The following GNB4 variants were observed in gnomAD, a reference collection of about 807,000 sequenced individuals.
GNB4 encodes G protein subunit beta 4.
GNB4 carries 28 observed loss-of-function variants against 45.2 expected under a neutral mutation model. The observed-to-expected ratio is 0.62, with a 90% CI of 0.46 to 0.85. GNB4 has a LOEUF of 0.85. Ranked by LOEUF, GNB4 falls within the 40% of genes least tolerant of loss-of-function variation. GNB4 has a pLI of 0.00. For missense variants in GNB4, 321 were observed against 425.4 expected (o/e 0.75, Z 2.16); for synonymous variants, 132 against 143.7 (o/e 0.92, Z 0.58).
intron 1 of GNB4, among the ~76,000 whole-genome samples, chr3:179,444,710 T>G (rs529567693): frequency 6.6e-6 from 1 of 152,272 alleles, no homozygotes; most frequent in South Asian, 2.1e-4. Context: ...AGACTCTGTC[T>G]CAAAAAGTAT....
intron 2 of GNB4, among the ~76,000 whole-genome samples, chr3:179,421,799 C>A (rs1410517668): frequency 6.6e-6 from 1 of 152,178 alleles, no homozygotes; most frequent in Admixed American, 6.5e-5. Context: ...CAAGTAGTTG[C>A]ACTAAACATG....
chr3:179,516,677 T>C, the GNB4 span, among the ~76,000 whole-genome samples: 1 of 152,162 alleles, frequency 6.6e-6, no homozygotes, highest in South Asian at 2.1e-4. Flanking sequence ...TATGAAACAA[T>C]AACAGAATAG....
rs537195612 is a variant in GNB4, at chr3:179,405,179, T to TC, written c.916+10_916+11insG. On this transcript the variant is annotated intron_variant, in intron 9 of 9. Transcript: ENST00000232564. ...TGAAAATCAGAACCTAATGTGGACT[T>TC]ATTTACTAACCTGCACGATCTCCTT... The TC allele has an allele frequency of 5.4e-4, 862 of 1,604,084 alleles. 9 individuals carry two copies. In the East Asian group the frequency reaches 0.015, roughly 28 times the overall value.
chr3:179,515,869 T>G, the GNB4 span, among the ~76,000 whole-genome samples: 2,590 of 152,198 alleles, frequency 0.017, 82 homozygotes, highest in African/African-American at 0.059. Context: ...GCTGAAGGAA[T>G]ATTTTGTGAT....
chr3:179,485,957 AC>A, the GNB4 span, among the ~76,000 whole-genome samples: 1 of 145,344 alleles, frequency 6.9e-6, no homozygotes, highest in Non-Finnish European at 1.5e-5. Flanking sequence ...CAAAACAACA[AC>A]AAAAACTCAG....
chr3:179,402,978 CTG>C (rs990615143), intron 9 of GNB4, among the ~76,000 whole-genome samples: 17 of 152,214 alleles, frequency 1.1e-4, no homozygotes, highest in African/African-American at 3.4e-4. Flanking sequence ...ATTGATAAAA[CTG>C]TGCTGAAATG....
the GNB4 span, among the ~76,000 whole-genome samples, chr3:179,501,156 C>T: frequency 3.9e-5 from 6 of 152,180 alleles, no homozygotes; most frequent in Non-Finnish European, 7.3e-5. Flanking sequence ...TCTTTGTCTA[C>T]CATGCTGTCA....
chr3:179,503,699 A>T, the GNB4 span, among the ~76,000 whole-genome samples: 1 of 152,202 alleles, frequency 6.6e-6, no homozygotes, highest in South Asian at 2.1e-4. Flanking sequence ...AGTGTTATCT[A>T]GTGCCAGCAA....
chr3:179,477,119 C>T, the GNB4 span, among the ~76,000 whole-genome samples: 7 of 152,290 alleles, frequency 4.6e-5, no homozygotes, highest in African/African-American at 1.4e-4. Context: ...CATTCTCTCA[C>T]TGTCTTAATG....
chr3:179,492,953 C>A, the GNB4 span, among the ~76,000 whole-genome samples: 1 of 152,170 alleles, frequency 6.6e-6, no homozygotes, highest in Non-Finnish European at 1.5e-5. Context: ...CTCTTAATAT[C>A]TTTGCCAACA....
chr3:179,418,673 T>C (rs1714884006), intron 4 of GNB4, among the ~76,000 whole-genome samples: 1 of 152,218 alleles, frequency 6.6e-6, no homozygotes, highest in African/African-American at 2.4e-5. Flanking sequence ...AGAATAAATG[T>C]GCAACTTCTA....
At chr3:179,489,001 AAAAAAAAAAAAAAAAAAAATATATAT>A in the GNB4 span, among the ~76,000 whole-genome samples, 4 of 33,696 alleles carry the variant, frequency 1.2e-4, no homozygotes, top group Middle Eastern at 0.014. Flanking sequence ...AAAAAAAAAA[AAAAAAAAAAAAAAAAAAAATATATAT>A]ATATATATAT....
At chr3:179,509,403 T>G in the GNB4 span, among the ~76,000 whole-genome samples, 1 of 152,198 alleles carries the variant, frequency 6.6e-6, no homozygotes, top group Non-Finnish European at 1.5e-5. Context: ...ACTGGCATTC[T>G]CTGTCTGTGG....
chr3:179,484,836 ATG>A, the GNB4 span, among the ~76,000 whole-genome samples: 2,881 of 147,028 alleles, frequency 0.02, 56 homozygotes, highest in Middle Eastern at 0.073. Context: ...AGCTATATAT[ATG>A]TGTGTGTGTG....
rs2108575061 is a variant in GNB4 at position 179,401,255 on chromosome 3, C to T, written c.981G>A (p.Val327=). The T allele has an allele frequency of 1.9e-6, 3 of 1,613,714 alleles. No individual in the cohort carries two copies. The highest frequency in any genetic ancestry group is 2.5e-6 in the Non-Finnish European group (3 of 1,179,842). ...CLGVTDDGMA[V]ATGSWDSFLR... is the part of the protein sequence containing the mutation. ...GAAAACTGTCCCAAGAGCCTGTTGC[C>T]ACAGCCATGCCATCATCAGTTACAC... Residue 327 remains valine (V), a synonymous_variant, in exon 10 of 10, where the codon GTG becomes GTA. Transcript: ENST00000232564.
At chr3:179,477,251 T>C in the GNB4 span, among the ~76,000 whole-genome samples, 1 of 152,238 alleles carries the variant, frequency 6.6e-6, no homozygotes, top group African/African-American at 2.4e-5. Flanking sequence ...AAAAATATTT[T>C]AGTTCTGATT....
At chr3:179,439,893 T>C (rs73045198) in intron 1 of GNB4, among the ~76,000 whole-genome samples, 4,410 of 152,344 alleles carry the variant, frequency 0.029, 185 homozygotes, top group African/African-American at 0.091. Flanking sequence ...CACGAAATAA[T>C]TGAGACTTGC....
chr3:179,404,344 G>GACC (rs1714400078), intron 9 of GNB4, among the ~76,000 whole-genome samples: 1 of 152,180 alleles, frequency 6.6e-6, no homozygotes, highest in African/African-American at 2.4e-5. Flanking sequence ...ATGATAATAG[G>GACC]TCAACAACAG....
intron 1 of GNB4, among the ~76,000 whole-genome samples, chr3:179,450,624 T>C (rs573601813): frequency 2.6e-4 from 40 of 152,302 alleles, no homozygotes; most frequent in Middle Eastern, 3.4e-3. Flanking sequence ...TAACAAAGTA[T>C]TGCTTGTATA....
Sources: gnomAD v4.1 joint callset for allele counts (sites outside exome capture counted in the v4.1 genomes callset) on GRCh38, gnomAD v4.1.1 for gene constraint, MANE v1.5 for transcripts, NCBI Gene and HGNC (gene_info 2026-07-23, HGNC 2026-07-21) for gene names.